The following LEKR1 variants were observed in gnomAD, a reference collection of about 807,000 sequenced individuals.
LEKR1 encodes the protein leucine, glutamate and lysine rich 1.
Under a neutral mutation model 72.4 loss-of-function variants are expected in LEKR1, and 59 were observed. That is an observed-to-expected ratio of 0.82 (90% CI 0.66 to 1.01). LEKR1 has a LOEUF of 1.01. LEKR1 is among the 50% of genes least tolerant of loss of function. The pLI is 0.00. For synonymous variants in LEKR1, 257 were observed against 263.2 expected (o/e 0.98, Z 0.23); for missense variants, 728 against 759.2 (o/e 0.96, Z 0.48).
intron 6 of LEKR1, among the ~76,000 whole-genome samples, chr3:156,962,615 T>G (rs1166546395): frequency 1.3e-5 from 2 of 152,212 alleles, no homozygotes; most frequent in East Asian, 1.9e-4. Flanking sequence ...CTTTGTTTTC[T>G]TGCCTTTTCA....
intron 12 of LEKR1, among the ~76,000 whole-genome samples, chr3:157,032,790 T>C (rs192112655): frequency 6.7e-5 from 10 of 148,954 alleles, no homozygotes; most frequent in African/African-American, 9.8e-5. Context: ...TGTCACTTTA[T>C]TGTGCTCCAC....
intron 10 of LEKR1, among the ~76,000 whole-genome samples, chr3:157,015,753 A>G (rs1733260822): frequency 6.6e-6 from 1 of 152,182 alleles, no homozygotes; most frequent in Admixed American, 6.5e-5. Context: ...ACTGACCCAG[A>G]AAGGCACAGA....
chr3:156,890,839 G>A (rs921253367), intron 3 of LEKR1, among the ~76,000 whole-genome samples: 1 of 145,432 alleles, frequency 6.9e-6, no homozygotes, highest in Non-Finnish European at 1.5e-5. Flanking sequence ...GTGGCCAGTT[G>A]TTTTTTTTCT....
chr3:157,027,235 G>T (rs1734252632), intron 11 of LEKR1, among the ~76,000 whole-genome samples: 1 of 151,350 alleles, frequency 6.6e-6, no homozygotes, highest in South Asian at 2.1e-4. Flanking sequence ...AGCACCGTCA[G>T]TAGTCACATG....
chr3:156,993,954 T>G (rs1576965215), intron 9 of LEKR1, among the ~76,000 whole-genome samples: 1 of 152,126 alleles, frequency 6.6e-6, no homozygotes, highest in East Asian at 1.9e-4. Context: ...AATCTTAGGG[T>G]TTTTTTGTTT....
intron 2 of LEKR1, among the ~76,000 whole-genome samples, chr3:156,834,183 C>T (rs1423374162): frequency 6.6e-6 from 1 of 152,040 alleles, no homozygotes; most frequent in Non-Finnish European, 1.5e-5. Flanking sequence ...TATTAAAGAG[C>T]AGATCAATGT....
chr3:157,031,393 C>T (rs375436895), intron 12 of LEKR1, among the ~76,000 whole-genome samples: 3 of 152,060 alleles, frequency 2.0e-5, no homozygotes, highest in Non-Finnish European at 4.4e-5. Context: ...CTTAGGGGGG[C>T]AATTTCCTTT....
chr3:156,906,815 C>T (rs1452148511), intron 3 of LEKR1, among the ~76,000 whole-genome samples: 1 of 152,066 alleles, frequency 6.6e-6, no homozygotes, highest in African/African-American at 2.4e-5. Flanking sequence ...TAAATATATA[C>T]TAAAGAAGTG....
At chr3:156,839,788 C>T (rs971977172) in intron 2 of LEKR1, among the ~76,000 whole-genome samples, 1 of 152,152 alleles carries the variant, frequency 6.6e-6, no homozygotes, top group Admixed American at 6.5e-5. Flanking sequence ...CAACATGAAC[C>T]TTCCTATGAT....
chr3:156,998,646 T>A (rs1259242995), intron 9 of LEKR1, among the ~76,000 whole-genome samples: 3 of 152,144 alleles, frequency 2.0e-5, no homozygotes, highest in Non-Finnish European at 4.4e-5. Flanking sequence ...GAGATATAAA[T>A]AATATACATC....
chr3:156,978,998 T>G (rs1729944106), intron 6 of LEKR1, among the ~76,000 whole-genome samples, 196 bp from the exon 7 acceptor site: 1 of 152,102 alleles, frequency 6.6e-6, no homozygotes, highest in Non-Finnish European at 1.5e-5. Flanking sequence ...CAAAACCCAT[T>G]AAGTCTGTGG....
chr3:156,847,073 G>A (rs989189287), intron 2 of LEKR1, among the ~76,000 whole-genome samples: 6 of 152,090 alleles, frequency 3.9e-5, no homozygotes, highest in African/African-American at 7.2e-5. Context: ...CTCCCAAAGC[G>A]CTGGGATCAC....
intron 11 of LEKR1, among the ~76,000 whole-genome samples, 199 bp from the exon 12 acceptor site, chr3:157,027,904 T>C (rs565191268): frequency 6.6e-6 from 1 of 152,326 alleles, no homozygotes; most frequent in East Asian, 1.9e-4. Context: ...AAGTGATTAA[T>C]GTGATACTGT....
chr3:156,930,762 C>A (rs771768749), intron 5 of LEKR1, among the ~76,000 whole-genome samples: 5 of 152,144 alleles, frequency 3.3e-5, no homozygotes, highest in Non-Finnish European at 5.9e-5. Context: ...AATGACCCTA[C>A]TTATATAATC....
chr3:156,918,716 TATC>T lies in LEKR1; in HGVS notation c.264-1857_264-1855del, dbSNP rs1401791070. Among the ~76,000 whole-genome samples, 6 of 152,234 alleles carry T rather than the reference TATC, an allele frequency of 3.9e-5. No individual in the cohort carries two copies. The East Asian group carries it at 1.2e-3, about 29-fold the overall frequency. On this transcript the variant is annotated intron_variant, in intron 3 of 12. Transcript: ENST00000356539. ...ATATATAAAATTAAATATTAGGAAA[TATC>T]AGTGTAAACATGTTAGTAATATGGA...
chr3:157,010,423 C>T (rs1362853743), intron 9 of LEKR1, among the ~76,000 whole-genome samples: 1 of 151,958 alleles, frequency 6.6e-6, no homozygotes, highest in East Asian at 1.9e-4. Flanking sequence ...AAGGAAAGAT[C>T]ATAGGAGATG....
At position 157,020,112 on chromosome 3, in the gene LEKR1, C is replaced by T. The variant is rs529842834; in HGVS notation, c.1204-4648C>T. Among the ~76,000 whole-genome samples, 7 of 152,082 alleles carry T rather than the reference C, an allele frequency of 4.6e-5. No individual in the cohort carries two copies. In the East Asian group the frequency reaches 1.4e-3, roughly 29 times the overall value. ...TTTTCTCTCTTTACCTACAGTAGTT[C>T]AAAGAATAGTTCAGGGGCAACAAGA... On this transcript the variant is annotated intron_variant, in intron 10 of 12. Coordinates refer to ENST00000356539, the MANE Select transcript of LEKR1 (RefSeq NM_001004316.3).
Position 156,838,419 on chromosome 3 carries a change from A to G in LEKR1, c.48+9042A>G, listed in dbSNP as rs142474898. ...AAATTTCCAGGAGTAATTCTTCTGA[A>G]CTAACCTCTTATTCTCTAACTGGGG... On this transcript the variant is annotated intron_variant, in intron 2 of 12. Transcript: ENST00000356539. 4.8e-3 allele frequency among the ~76,000 whole-genome samples: 730 copies of G among 152,300 alleles called. 4 individuals are homozygous for G. Among genetic ancestry groups the G allele is most frequent in the Middle Eastern group, 0.041 (12 of 294 alleles).
At chr3:156,981,887 G>T (rs1366407706) in intron 7 of LEKR1, among the ~76,000 whole-genome samples, 1 of 152,202 alleles carries the variant, frequency 6.6e-6, no homozygotes, top group East Asian at 1.9e-4. Flanking sequence ...CCAGAAATTG[G>T]AATATGCTAT....
Sources: gnomAD v4.1 joint callset for allele counts (sites outside exome capture counted in the v4.1 genomes callset) on GRCh38, gnomAD v4.1.1 for gene constraint, MANE v1.5 for transcripts, NCBI Gene and HGNC (gene_info 2026-07-23, HGNC 2026-07-21) for gene names.